The following BRAF variants were observed in gnomAD, a reference collection of about 807,000 sequenced individuals.
BRAF encodes the protein serine/threonine-protein kinase B-raf.
In BRAF, 16 loss-of-function variants were observed where a neutral mutation model predicts 104.6. The observed-to-expected ratio is 0.15, with a 90% confidence interval of 0.10 to 0.23. The LOEUF is 0.23. BRAF is among the 10% of genes least tolerant of loss of function. BRAF has a pLI of 1.00. For missense variants in BRAF, 541 were observed against 937.3 expected (o/e 0.58, Z 5.52); for synonymous variants, 310 against 341.6 (o/e 0.91, Z 1.02).
intron 18 of BRAF, 27 bp from the exon 18 acceptor site, chr7:140,734,797 G>GAAAAAAAAAATAAAAAAAAAAGA: frequency 8.9e-7 from 1 of 1,126,482 alleles, no homozygotes; most frequent in Non-Finnish European, 1.2e-6. Context: ...AAAAAAAAAA[G>GAAAAAAAAAATAAAAAAAAAAGA]AAAAAAAAAG....
chr7:140,753,438 A>G (rs2128998628), intron 15 of BRAF, 45 bp from the exon 15 acceptor site: 1 of 1,256,156 alleles, frequency 8.0e-7, no homozygotes, highest in Non-Finnish European at 1.2e-6. Flanking sequence ...TCATTTTCCT[A>G]TCAGAGCAAG....
At chr7:140,827,180 T>C (rs1392476975) in intron 3 of BRAF, among the ~76,000 whole-genome samples, 1 of 152,248 alleles carries the variant, frequency 6.6e-6, no homozygotes, top group East Asian at 1.9e-4. Flanking sequence ...TACTTGGTTC[T>C]TTCTTAGGAG....
At chr7:140,863,224 A>G (rs766265323) in intron 1 of BRAF, among the ~76,000 whole-genome samples, 7 of 152,198 alleles carry the variant, frequency 4.6e-5, no homozygotes, top group Non-Finnish European at 1.0e-4. Flanking sequence ...ATTTTTACAT[A>G]TAACAAAACA....
intron 14 of BRAF, among the ~76,000 whole-genome samples, chr7:140,767,177 T>C (rs954987093): frequency 6.6e-6 from 1 of 151,976 alleles, no homozygotes; most frequent in East Asian, 1.9e-4. Flanking sequence ...CTAATTTTTG[T>C]ATTTTTTGGT....
chr7:140,828,389 C>G (rs1806314056), intron 3 of BRAF, among the ~76,000 whole-genome samples: 1 of 152,130 alleles, frequency 6.6e-6, no homozygotes, highest in Non-Finnish European at 1.5e-5. Context: ...GTTTTTTCAA[C>G]TCCGTCTTTG....
intron 1 of BRAF, among the ~76,000 whole-genome samples, chr7:140,881,305 T>C (rs1363118676): frequency 6.6e-6 from 1 of 152,224 alleles, no homozygotes; most frequent in Non-Finnish European, 1.5e-5. Context: ...AGTCAGCCTG[T>C]CCTTTGAAGC....
At chr7:140,827,928 C>A (rs1806250185) in intron 3 of BRAF, among the ~76,000 whole-genome samples, 1 of 151,994 alleles carries the variant, frequency 6.6e-6, no homozygotes, top group African/African-American at 2.4e-5. Context: ...TGGAGTTTTG[C>A]TCTTGTTGCC....
chr7:140,736,012 G>A (rs1796386840), intron 18 of BRAF, among the ~76,000 whole-genome samples: 1 of 151,410 alleles, frequency 6.6e-6, no homozygotes, highest in South Asian at 2.1e-4. Flanking sequence ...AAGAGTATAA[G>A]GCTCTCAAAT....
chr7:140,896,743 A>G (rs1011618523), intron 1 of BRAF, among the ~76,000 whole-genome samples: 2 of 151,872 alleles, frequency 1.3e-5, no homozygotes, highest in Admixed American at 6.6e-5. Flanking sequence ...GTGTGCACCT[A>G]TAGTCCCAGC....
At chr7:140,790,120 T>C (rs999754687) in intron 8 of BRAF, among the ~76,000 whole-genome samples, 2 of 152,184 alleles carry the variant, frequency 1.3e-5, no homozygotes, top group African/African-American at 4.8e-5. Context: ...GTTTCAGAGA[T>C]AGGCATGTAG....
At chr7:140,770,109 G>A (rs1444369145) in intron 14 of BRAF, among the ~76,000 whole-genome samples, 1 of 152,150 alleles carries the variant, frequency 6.6e-6, no homozygotes, top group Non-Finnish European at 1.5e-5. Flanking sequence ...CCAGTGGGTG[G>A]AAAGTGGTAC....
At chr7:140,857,078 G>A (rs1027006252) in intron 1 of BRAF, among the ~76,000 whole-genome samples, 2 of 152,152 alleles carry the variant, frequency 1.3e-5, no homozygotes, top group Non-Finnish European at 2.9e-5. Flanking sequence ...GAACTTTGCA[G>A]ATGTGATTAA....
intron 19 of BRAF, chr7:140,733,941 G>A (rs1346731865): frequency 9.6e-6 from 9 of 932,850 alleles, no homozygotes; most frequent in East Asian, 7.3e-5. Context: ...CTAAAAATCC[G>A]AAGTTAAGAC....
chr7:140,847,749 T>C (rs1808729561), intron 2 of BRAF, among the ~76,000 whole-genome samples: 1 of 152,208 alleles, frequency 6.6e-6, no homozygotes, highest in Non-Finnish European at 1.5e-5. Context: ...TTATTTCCAC[T>C]TTACTAATGA....
At chr7:140,749,523 G>C in intron 16 of BRAF, 105 bp from the exon 16 acceptor site, 1 of 1,193,528 alleles carries the variant, frequency 8.4e-7, no homozygotes, top group Non-Finnish European at 1.2e-6. Context: ...TAAAACACCT[G>C]TCTAATATGT....
Position 140,725,999 on chromosome 7 carries a change from A to G in BRAF, c.*495T>C. The G allele has an allele frequency of 9.4e-7, 1 of 1,068,532 alleles. No individual in the cohort carries two copies. 66.2% of individuals were successfully genotyped at this position (1,068,532 alleles called of 1,614,324 possible). ...AAGCTGCATTTTTGTTCCATCCCTC[A>G]GAAACTAACTGGTGGTCACTAGGGG... On this transcript the variant is annotated 3_prime_UTR_variant, in exon 20 of 20. Transcript: ENST00000644969.
At position 140,725,761 on chromosome 7, in the gene BRAF, G is replaced by A. The variant is rs1795566749; in HGVS notation, c.*733C>T. The A allele has an allele frequency of 9.4e-7, 1 of 1,061,070 alleles. No homozygotes were observed. Among genetic ancestry groups the A allele is most frequent in the South Asian group, 4.6e-5 (1 of 21,948 alleles). The allele number at this position is 1,061,070 out of a possible 1,614,324, so 65.7% of individuals were successfully genotyped here. A position where few individuals can be genotyped will look rare whatever the true frequency, so the allele number is the denominator to read the frequency against. ...GACCCAATGAGAAAGAAGGCAATGTGTGCCAGCACTATCTAGCCTGCTTGG... is the reference window on the plus strand; with the variant it reads ...GACCCAATGAGAAAGAAGGCAATGTATGCCAGCACTATCTAGCCTGCTTGG... On this transcript the variant is annotated 3_prime_UTR_variant, in exon 20 of 20. Coordinates refer to ENST00000644969, the MANE Select transcript of BRAF (RefSeq NM_001374258.1).
intron 3 of BRAF, 95 bp downstream of exon 3, chr7:140,834,514 T>C: frequency 6.6e-7 from 1 of 1,526,348 alleles, no homozygotes. Flanking sequence ...TTGCATGACC[T>C]CTGAGTATGA....
intron 2 of BRAF, among the ~76,000 whole-genome samples, chr7:140,840,624 C>T (rs1199827595): frequency 6.6e-6 from 1 of 151,714 alleles, no homozygotes; most frequent in African/African-American, 2.4e-5. Flanking sequence ...ATCCCCATCT[C>T]TACAAAAAAT....
Sources: gnomAD v4.1 joint callset for allele counts (sites outside exome capture counted in the v4.1 genomes callset) on GRCh38, gnomAD v4.1.1 for gene constraint, MANE v1.5 for transcripts, NCBI Gene and HGNC (gene_info 2026-07-23, HGNC 2026-07-21) for gene names.